RHCG: variants seen among roughly 807,000 people sequenced by gnomAD.
The protein encoded by RHCG is ammonium transporter Rh type C.
In RHCG, 39 loss-of-function variants were observed where a neutral mutation model predicts 55.3. The observed-to-expected ratio is 0.70, with a 90% confidence interval of 0.55 to 0.92. The LOEUF is 0.92. RHCG is among the 40% of genes least tolerant of loss of function. RHCG has a pLI of 0.00. For synonymous variants in RHCG, 250 were observed against 246.8 expected (o/e 1.01, Z -0.12); for missense variants, 635 against 627.9 (o/e 1.01, Z -0.12).
At chr15:89,495,734 T>C (rs1961554130) in intron 1 of RHCG, among the ~76,000 whole-genome samples, 1 of 152,256 alleles carries the variant, frequency 6.6e-6, no homozygotes, top group Admixed American at 6.5e-5. Context: ...ATCTTCATTC[T>C]GTAGATGAGG....
At position 89,476,817 on chromosome 15, in the gene RHCG, T is replaced by G; in HGVS notation, c.1249A>C (p.Arg417=). Residue 417 remains arginine, a synonymous_variant, in exon 9 of 11, where the codon AGA becomes CGA. Coordinates refer to ENST00000268122, the MANE Select transcript of RHCG (RefSeq NM_016321.3). The part of the protein sequence containing the change: ...MGGIIVGLIL[R]LPFWGQPSDE... ...GAAGGTTGTCCCCAGAATGGTAATC[T>G]CAAAATGAGCCCTACAGAAAGTTGG... 1.9e-6 allele frequency: 3 copies of G among 1,613,976 alleles called. No individual in the cohort carries two copies. The highest frequency in any genetic ancestry group is 2.5e-6 in the Non-Finnish European group (3 of 1,179,888).
intron 3 of RHCG, among the ~76,000 whole-genome samples, chr15:89,481,037 G>T (rs1047750581): frequency 1.3e-5 from 2 of 152,218 alleles, no homozygotes; most frequent in African/African-American, 2.4e-5. Flanking sequence ...CAAGGTCATA[G>T]AACTGGTTGT....
At chr15:89,493,969 C>T (rs62023062) in intron 1 of RHCG, among the ~76,000 whole-genome samples, 1 of 151,882 alleles carries the variant, frequency 6.6e-6, no homozygotes, top group Non-Finnish European at 1.5e-5. Context: ...GATTCTTCCC[C>T]TATACCCCTC....
intron 5 of RHCG, among the ~76,000 whole-genome samples, 181 bp downstream of exon 5, chr15:89,479,137 TAAAG>T (rs1292547792): frequency 6.6e-6 from 1 of 151,744 alleles, no homozygotes; most frequent in Non-Finnish European, 1.5e-5. Flanking sequence ...AAAAACAAGA[TAAAG>T]AATATCCTTG....
chr15:89,488,138 G>C (rs12439587), intron 1 of RHCG, among the ~76,000 whole-genome samples: 3,035 of 152,216 alleles, frequency 0.02, 66 homozygotes, highest in African/African-American at 0.045. Flanking sequence ...GGCCAAATCT[G>C]GGACAATCTG....
intron 2 of RHCG, 194 bp downstream of exon 2, chr15:89,486,581 AGAGAGAGAGAGAGAGAGAGTGTGT>A: frequency 2.0e-6 from 1 of 492,484 alleles, no homozygotes. Flanking sequence ...AGAGAGAGAG[AGAGAGAGAGAGAGAGAGAGTGTGT>A]GTGTGTGTGT....
chr15:89,472,983 G>A lies in RHCG; in HGVS notation c.1312-120C>T, dbSNP rs1209671812. On this transcript the variant is annotated intron_variant, in intron 9 of 10. Coordinates refer to ENST00000268122, the MANE Select transcript of RHCG (RefSeq NM_016321.3). ...GAGCGCCACCTTGTGATCGCCGTGC[G>A]GATCACATGCCACGGAGAGCAGGGT... 1.1e-5 allele frequency: 13 copies of A among 1,151,920 alleles called. 1 individual carries two copies. Among genetic ancestry groups the A allele is most frequent in the Middle Eastern group, 2.1e-4 (1 of 4,848 alleles). 71.4% of individuals were successfully genotyped at this position (1,151,920 alleles called of 1,614,324 possible).
At chr15:89,494,034 G>A (rs1018712351) in intron 1 of RHCG, among the ~76,000 whole-genome samples, 1 of 152,048 alleles carries the variant, frequency 6.6e-6, no homozygotes, top group African/African-American at 2.4e-5. Flanking sequence ...AACTAGCAGG[G>A]GAAACTCAAG....
rs372771518 is a variant in RHCG at position 89,477,951 on chromosome 15, G to A, written c.861C>T (p.Leu287=). The part of the protein sequence containing the change: ...LDMVHIQNAT[L]AGGVAVGTAA... ...CGGTACCCACGGCCACCCCTCCTGCGAGCGTGGCATTCTGGATGTGCACCT... is the reference window on the plus strand; with the variant it reads ...CGGTACCCACGGCCACCCCTCCTGCAAGCGTGGCATTCTGGATGTGCACCT... The change falls in exon 6 of 11, where the codon CTC becomes CTT. Residue 287 remains leucine, a synonymous_variant. Coordinates refer to ENST00000268122, the MANE Select transcript of RHCG (RefSeq NM_016321.3). This position sits in a 1 kb window ranked among gnomAD's most constrained non-coding sequence, Gnocchi z 4.5. The A allele has an allele frequency of 9.5e-5, 153 of 1,609,908 alleles. 2 individuals are homozygous for A. In the South Asian group the frequency reaches 1.4e-3, roughly 15 times the overall value.
At position 89,486,409 on chromosome 15, in the gene RHCG, G is replaced by A. The variant is rs1226829034; in HGVS notation, c.371+390C>T. 14 of 456,924 alleles carry A rather than the reference G, an allele frequency of 3.1e-5. 1 individual carries two copies. Among genetic ancestry groups the A allele is most frequent in the Admixed American group, 2.1e-4 (9 of 42,550 alleles). The allele number at this position is 456,924 out of a possible 1,614,324, so 28.3% of individuals were successfully genotyped here. On this transcript the variant is annotated intron_variant, in intron 2 of 10. Coordinates refer to ENST00000268122, the MANE Select transcript of RHCG (RefSeq NM_016321.3). ...CAGGGCTGGGCGATTTTGATGTGCCGGGCCCGGTCGGACCCTGCCCCCAGA... is the reference window on the plus strand; with the variant it reads ...CAGGGCTGGGCGATTTTGATGTGCCAGGCCCGGTCGGACCCTGCCCCCAGA...
intron 9 of RHCG, among the ~76,000 whole-genome samples, chr15:89,475,953 G>A (rs1459938223): frequency 6.6e-6 from 1 of 151,870 alleles, no homozygotes; most frequent in South Asian, 2.1e-4. Context: ...CCCTTGTTTT[G>A]GAATCAGGAT....
chr15:89,484,604 AC>A (rs1961325480), intron 2 of RHCG, among the ~76,000 whole-genome samples: 2 of 151,950 alleles, frequency 1.3e-5, no homozygotes, highest in Non-Finnish European at 2.9e-5. Flanking sequence ...ACATGGTGAA[AC>A]CCCATCTCTA....
chr15:89,486,762 C>A, intron 2 of RHCG, 37 bp downstream of exon 2: 1 of 1,560,734 alleles, frequency 6.4e-7, no homozygotes, highest in South Asian at 1.2e-5. Flanking sequence ...CCATCCCTCC[C>A]AGTCCGCCAC....
chr15:89,492,914 G>A (rs543307871), intron 1 of RHCG, among the ~76,000 whole-genome samples: 1 of 152,190 alleles, frequency 6.6e-6, no homozygotes, highest in Non-Finnish European at 1.5e-5. Context: ...GGAGATGAGT[G>A]CCCTACCAGT....
intron 1 of RHCG, among the ~76,000 whole-genome samples, chr15:89,493,766 C>G (rs961933275): frequency 5.3e-5 from 8 of 152,134 alleles, no homozygotes. Context: ...AGTGTGGGCT[C>G]AGACCCCAGG....
intron 1 of RHCG, among the ~76,000 whole-genome samples, chr15:89,493,927 C>T (rs1045843666): frequency 1.3e-5 from 2 of 152,088 alleles, no homozygotes; most frequent in Non-Finnish European, 2.9e-5. Context: ...AATGCACGTG[C>T]GGTTGGAGGG....
At chr15:89,491,946 T>C (rs1292976331) in intron 1 of RHCG, among the ~76,000 whole-genome samples, 6 of 152,188 alleles carry the variant, frequency 3.9e-5, no homozygotes, top group Non-Finnish European at 5.9e-5. Flanking sequence ...ACACATGTAA[T>C]GGTATAACGC....
rs1411703136 is a variant in RHCG, at chr15:89,471,780, G to A, written c.*100C>T. The A allele has an allele frequency of 6.5e-6, 1 of 152,846 alleles. No individual in the cohort carries two copies. The highest frequency in any genetic ancestry group is 1.5e-5 in the Non-Finnish European group (1 of 68,182). 9.5% of individuals were successfully genotyped at this position (152,846 alleles called of 1,614,324 possible). On this transcript the variant is annotated 3_prime_UTR_variant, in exon 11 of 11. Transcript: ENST00000268122. ...CCTTGAGGCCAAGCCAGCAGGTGGG[G>A]GTGCTGCTTGCTCACTCTTGCATCC...
chr15:89,482,452 C>G (rs1961284816), intron 3 of RHCG, among the ~76,000 whole-genome samples: 1 of 152,062 alleles, frequency 6.6e-6, no homozygotes, highest in African/African-American at 2.4e-5. Context: ...CAGACAGAGT[C>G]CAAACGTAGA....
Sources: allele counts gnomAD v4.1 joint callset (sites outside exome capture counted in the v4.1 genomes callset), GRCh38; gene constraint gnomAD v4.1.1; non-coding constraint Gnocchi (gnomAD v3.1); transcripts MANE v1.5; gene names NCBI Gene and HGNC (gene_info 2026-07-23, HGNC 2026-07-21).